Variants in DOLPP1 observed in about 807,000 individuals in gnomAD.
DOLPP1 encodes dolichyldiphosphatase 1.
DOLPP1 carries 15 observed loss-of-function variants against 34.1 expected under a neutral mutation model. That is an observed-to-expected ratio of 0.44 (90% CI 0.29 to 0.68). The LOEUF (loss-of-function observed/expected upper bound fraction) is 0.68. DOLPP1 is among the 30% of genes least tolerant of loss of function. The pLI is 0.12. For missense variants in DOLPP1, 249 were observed against 307.1 expected (o/e 0.81, Z 1.41); for synonymous variants, 130 against 128.2 (o/e 1.01, Z -0.10).
intron 1 of DOLPP1, among the ~76,000 whole-genome samples, chr9:129,082,601 G>A (rs1846910498): frequency 6.6e-6 from 1 of 152,162 alleles, no homozygotes. Context: ...AAGCCAGAAG[G>A]AACCTGGCAG....
In DOLPP1 at chr9:129,086,181, A is replaced by T; in HGVS notation, c.504A>T (p.Gly168=). Residue 168 remains glycine, a synonymous_variant, in exon 6 of 8, where the codon GGA becomes GGT. Transcript: ENST00000372546. ...ACACCTGGAGCCAGGTGCTCTATGG[A>T]GGCATCGCTGGAGGCCTCATGGCCA... ...LYHTWSQVLY[G]GIAGGLMAIA... 6.2e-7 allele frequency: 1 copy of T among 1,613,432 alleles called. No individual in the cohort carries two copies. Among genetic ancestry groups the T allele is most frequent in the Non-Finnish European group, 8.5e-7 (1 of 1,179,856 alleles).
rs1847072190 is a variant in DOLPP1 at position 129,090,275 on chromosome 9, A to G, written c.*1268A>G. Reference sequence around the variant, plus strand: ...AAAAGCCATTCCAGATGCCAAGACCAGGGGCTTATTTCTAGGGAAGGTAGG... The same window carrying G: ...AAAAGCCATTCCAGATGCCAAGACCGGGGGCTTATTTCTAGGGAAGGTAGG... On this transcript the variant is annotated 3_prime_UTR_variant, in exon 8 of 8. Coordinates refer to ENST00000372546, the MANE Select transcript of DOLPP1 (RefSeq NM_020438.5). The G allele has an allele frequency of 6.6e-6, 1 of 152,640 alleles. No individual in the cohort carries two copies. The highest frequency in any genetic ancestry group is 2.4e-5 in the African/African-American group (1 of 41,454). The allele number at this position is 152,640 out of a possible 1,614,324, so 9.5% of individuals were successfully genotyped here. A position where few individuals can be genotyped will look rare whatever the true frequency, so the allele number is the denominator to read the frequency against.
intron 1 of DOLPP1, 64 bp from the exon 2 acceptor site, chr9:129,084,604 G>A: frequency 8.4e-7 from 1 of 1,192,934 alleles, no homozygotes; most frequent in Non-Finnish European, 1.3e-6. Context: ...CTTACTTGTA[G>A]GGGGCTGGTC....
intron 7 of DOLPP1, among the ~76,000 whole-genome samples, chr9:129,087,836 A>G (rs1847021799): frequency 6.6e-6 from 1 of 151,952 alleles, no homozygotes; most frequent in Non-Finnish European, 1.5e-5. Context: ...TAGGGCAGGC[A>G]ATCCTATTAG....
intron 6 of DOLPP1, 115 bp from the exon 7 acceptor site, chr9:129,086,594 C>A (rs1199483081): frequency 2.7e-6 from 3 of 1,115,996 alleles, no homozygotes; most frequent in Non-Finnish European, 4.0e-6. Flanking sequence ...CAGGCAAAGA[C>A]TCTAGGCAGT....
intron 7 of DOLPP1, among the ~76,000 whole-genome samples, chr9:129,088,551 TTGCATA>T (rs1847037156): frequency 6.6e-6 from 1 of 152,198 alleles, no homozygotes; most frequent in African/African-American, 2.4e-5. Flanking sequence ...CTGCTTTCGC[TTGCATA>T]CCTCCCGGAT....
chr9:129,086,037 G>T, intron 5 of DOLPP1, 102 bp from the exon 6 acceptor site: 2 of 1,174,570 alleles, frequency 1.7e-6, no homozygotes, highest in Non-Finnish European at 1.2e-6. Context: ...GTCTCCACAT[G>T]TGTGGGCACA....
rs1846982824 is a variant in DOLPP1, at chr9:129,086,104, G to C, written c.462-35G>C. ...GGATTGTGCGGGCCTGTGTCTGACT[G>C]GCTCTCACATACTTCGCTTCTGGCC... On this transcript the variant is annotated intron_variant, in intron 5 of 7. Transcript: ENST00000372546. 1.9e-6 allele frequency: 3 copies of C among 1,607,478 alleles called. No individual in the cohort carries two copies. In the East Asian group the frequency reaches 6.7e-5, roughly 36 times the overall value.
chr9:129,081,143 C>A lies in DOLPP1; in HGVS notation c.12C>A (p.Asp4Glu). MAA[D>E]GQCSLPASWR... ...GGTCTCCGGGTAAGATGGCAGCGGA[C>A]GGACAGTGCTCGCTCCCCGCTTCAT... Residue 4 changes from aspartate (D) to glutamate (E), a missense_variant, in exon 1 of 8, where the codon GAC (aspartate) becomes GAA (glutamate). Coordinates refer to ENST00000372546, the MANE Select transcript of DOLPP1 (RefSeq NM_020438.5). 1 of 1,608,948 alleles carries A rather than the reference C, an allele frequency of 6.2e-7. No homozygotes were observed. The highest frequency in any genetic ancestry group is 8.5e-7 in the Non-Finnish European group (1 of 1,179,318).
intron 1 of DOLPP1, among the ~76,000 whole-genome samples, chr9:129,081,984 T>G (rs946150258): frequency 5.9e-5 from 9 of 152,214 alleles, no homozygotes; most frequent in African/African-American, 1.2e-4. Context: ...CTGATTACAG[T>G]GCTTACCTTC....
chr9:129,086,327 A>G (rs1338803144), intron 6 of DOLPP1, 60 bp downstream of exon 6: 2 of 1,595,326 alleles, frequency 1.3e-6, no homozygotes, highest in Non-Finnish European at 1.7e-6. Context: ...GGGTGGGGCC[A>G]TCAGTGGGCG....
chr9:129,081,220 C>G lies in DOLPP1; in HGVS notation c.76+13C>G, dbSNP rs752409984. 3.1e-6 allele frequency: 5 copies of G among 1,607,102 alleles called. No homozygotes were observed. The highest frequency in any genetic ancestry group is 4.2e-6 in the Non-Finnish European group (5 of 1,179,054). The stretch of plus-strand genomic sequence containing the variant: ...GAATATCCTGCAGGTAAAAGGCGGT[C>G]CCGGCTCCAAGGACGCCTTCCCAGG... On this transcript the variant is annotated intron_variant, in intron 1 of 7. Coordinates refer to ENST00000372546, the MANE Select transcript of DOLPP1 (RefSeq NM_020438.5).
chr9:129,082,390 T>G (rs191454723), intron 1 of DOLPP1, among the ~76,000 whole-genome samples: 1 of 152,338 alleles, frequency 6.6e-6, no homozygotes, highest in East Asian at 1.9e-4. Flanking sequence ...CACTTCTGAG[T>G]GCTAGGCCCT....
intron 6 of DOLPP1, 65 bp downstream of exon 6, chr9:129,086,332 T>A: frequency 6.3e-7 from 1 of 1,586,602 alleles, no homozygotes; most frequent in Non-Finnish European, 8.6e-7. Context: ...GGGCCATCAG[T>A]GGGCGGACCT....
Position 129,081,179 on chromosome 9 carries a change from G to T in DOLPP1, c.48G>T (p.Val16=). Residue 16 remains valine (V), a synonymous_variant, in exon 1 of 8, where the codon GTG becomes GTT. Coordinates refer to ENST00000372546, the MANE Select transcript of DOLPP1 (RefSeq NM_020438.5). ...QCSLPASWRP[V]TLTHVEYPAG... ...CGCTCCCCGCTTCATGGCGGCCGGT[G>T]ACCCTCACCCACGTCGAATATCCTG... 5 of 1,610,358 alleles carry T rather than the reference G, an allele frequency of 3.1e-6. No homozygotes were observed. The highest frequency in any genetic ancestry group is 4.2e-6 in the Non-Finnish European group (5 of 1,179,622).
In DOLPP1 at chr9:129,085,830, C is replaced by T. The variant is rs562953189; in HGVS notation, c.461+214C>T. Among the ~76,000 whole-genome samples, 9 of 152,356 alleles carry T rather than the reference C, an allele frequency of 5.9e-5. No homozygotes were observed. In the South Asian group the frequency reaches 1.2e-3, roughly 21 times the overall value. On this transcript the variant is annotated intron_variant, in intron 5 of 7. Transcript: ENST00000372546. This position sits in a 1 kb window ranked among gnomAD's most constrained non-coding sequence, Gnocchi z 7.0. ...GCCCAAGATTCTGGGACCAACTCCA[C>T]GTATCAGCCATCTCTTCCCAGCGTT...
chr9:129,086,340 C>T, intron 6 of DOLPP1, 73 bp downstream of exon 6: 1 of 1,565,926 alleles, frequency 6.4e-7, no homozygotes, highest in Non-Finnish European at 8.7e-7. Context: ...AGTGGGCGGA[C>T]CTAGGAGTCT....
At position 129,090,086 on chromosome 9, in the gene DOLPP1, G is replaced by A. The variant is rs1053252688; in HGVS notation, c.*1079G>A. 1 of 152,590 alleles carries A rather than the reference G, an allele frequency of 6.6e-6. No homozygotes were observed. Among genetic ancestry groups the A allele is most frequent in the Non-Finnish European group, 1.5e-5 (1 of 68,046 alleles). 9.5% of individuals were successfully genotyped at this position (152,590 alleles called of 1,614,324 possible). ...TAAGTCACTCTGAAAGGGAGTTGTG[G>A]AGAGGAGACGCCTCCAGACTCTCAG... On this transcript the variant is annotated 3_prime_UTR_variant, in exon 8 of 8. Coordinates refer to ENST00000372546, the MANE Select transcript of DOLPP1 (RefSeq NM_020438.5).
intron 1 of DOLPP1, among the ~76,000 whole-genome samples, chr9:129,081,451 C>T (rs953829654): frequency 2.0e-5 from 3 of 152,114 alleles, no homozygotes; most frequent in Non-Finnish European, 4.4e-5. Context: ...AGGGCGCTCC[C>T]CCGGGTCCCG....
Sources: allele counts gnomAD v4.1 joint callset (sites outside exome capture counted in the v4.1 genomes callset), GRCh38; gene constraint gnomAD v4.1.1; non-coding constraint Gnocchi (gnomAD v3.1); transcripts MANE v1.5; gene names NCBI Gene and HGNC (gene_info 2026-07-23, HGNC 2026-07-21).